The following GNAI3 variants were observed in gnomAD, a reference collection of about 807,000 sequenced individuals.
GNAI3 encodes the protein guanine nucleotide-binding protein G(i) subunit alpha-3.
A neutral mutation model predicts 41.8 loss-of-function variants in GNAI3; 12 were observed. That is an observed-to-expected ratio of 0.29 (90% CI 0.18 to 0.47). GNAI3 has a LOEUF of 0.47. GNAI3 is among the 20% of genes least tolerant of loss of function. The pLI is 1.00. For synonymous variants in GNAI3, 132 were observed against 146.5 expected (o/e 0.90, Z 0.71); for missense variants, 360 against 429.6 (o/e 0.84, Z 1.43).
At chr1:109,590,235 T>C (rs182853578) in intron 7 of GNAI3, among the ~76,000 whole-genome samples, 1 of 152,266 alleles carries the variant, frequency 6.6e-6, no homozygotes, top group African/African-American at 2.4e-5. Flanking sequence ...AGTTTTAGGA[T>C]TGGGGGAGAG....
chr1:109,555,971 T>C (rs113809582), intron 1 of GNAI3, among the ~76,000 whole-genome samples: 39,237 of 127,036 alleles, frequency 0.31, 5,895 homozygotes, highest in East Asian at 0.49. Flanking sequence ...TGCGTGTGTG[T>C]GTGTGTGTGT....
At chr1:109,589,886 G>A (rs1649126492) in intron 7 of GNAI3, among the ~76,000 whole-genome samples, 1 of 152,176 alleles carries the variant, frequency 6.6e-6, no homozygotes, top group Non-Finnish European at 1.5e-5. Flanking sequence ...TCACTAGAGA[G>A]AGGTGGTGAT....
At chr1:109,567,694 T>A (rs1648492736) in intron 1 of GNAI3, among the ~76,000 whole-genome samples, 1 of 152,238 alleles carries the variant, frequency 6.6e-6, no homozygotes, top group African/African-American at 2.4e-5. Flanking sequence ...ATCCAAGTTG[T>A]TATTACTAAA....
At chr1:109,556,235 G>A (rs957050620) in intron 1 of GNAI3, among the ~76,000 whole-genome samples, 9 of 151,690 alleles carry the variant, frequency 5.9e-5, no homozygotes, top group Non-Finnish European at 1.2e-4. Context: ...GTAGAGATGG[G>A]GTTTTGCCAT....
rs1648676429 is a variant in GNAI3, at chr1:109,574,034, G to A, written c.300G>A (p.Arg100=). 1 of 1,603,090 alleles carries A rather than the reference G, an allele frequency of 6.2e-7. No individual in the cohort carries two copies. Among genetic ancestry groups the A allele is most frequent in the East Asian group, 2.2e-5 (1 of 44,808 alleles). Residue 100 remains arginine (R), a synonymous_variant, in exon 3 of 9, where the codon AGG becomes AGA. Coordinates refer to ENST00000369851, the MANE Select transcript of GNAI3 (RefSeq NM_006496.4). ...RLKIDFGEAA[R]ADDARQLFVL... is the part of the protein sequence containing the mutation. ...AGATTGACTTTGGGGAAGCTGCCAG[G>A]GCAGTAAGTGTTTCTCATTTCCTCT... is the stretch of plus-strand genomic sequence containing the variant.
intron 5 of GNAI3, among the ~76,000 whole-genome samples, chr1:109,583,821 G>A (rs1014279794): frequency 2.0e-5 from 3 of 147,350 alleles, no homozygotes; most frequent in Non-Finnish European, 1.5e-5. Flanking sequence ...TCTATCTCCT[G>A]ACCTGGTGAT....
chr1:109,562,587 G>C (rs1029909743), intron 1 of GNAI3, among the ~76,000 whole-genome samples: 1 of 152,072 alleles, frequency 6.6e-6, no homozygotes, highest in Non-Finnish European at 1.5e-5. Context: ...TACTGTTTTG[G>C]GTTTTGGCTG....
intron 1 of GNAI3, among the ~76,000 whole-genome samples, chr1:109,570,144 A>G (rs192166186): frequency 1.3e-5 from 2 of 152,342 alleles, no homozygotes; most frequent in African/African-American, 2.4e-5. Context: ...ACAGCATCCT[A>G]AGAAAGTCAC....
Position 109,574,028 on chromosome 1 carries a change from T to C in GNAI3, c.294T>C (p.Ala98=). The C allele has an allele frequency of 6.2e-7, 1 of 1,609,422 alleles. No homozygotes were observed. The highest frequency in any genetic ancestry group is 8.5e-7 in the Non-Finnish European group (1 of 1,178,212). The change falls in exon 3 of 9, where the codon GCT becomes GCC. Residue 98 remains alanine (A), a synonymous_variant. Transcript: ENST00000369851. ...GGCTAAAGATTGACTTTGGGGAAGC[T>C]GCCAGGGCAGTAAGTGTTTCTCATT... The part of the protein sequence containing the change: ...MGRLKIDFGE[A]ARADDARQLF...
intron 4 of GNAI3, among the ~76,000 whole-genome samples, chr1:109,581,609 C>T (rs368254643): frequency 3.9e-5 from 6 of 151,956 alleles, no homozygotes; most frequent in African/African-American, 9.7e-5. Flanking sequence ...CTTTTGTGTC[C>T]GGGCGCGGTT....
intron 1 of GNAI3, among the ~76,000 whole-genome samples, chr1:109,551,479 T>C (rs1054772218): frequency 2.6e-5 from 4 of 152,188 alleles, no homozygotes; most frequent in Admixed American, 6.5e-5. Flanking sequence ...TTCTTTCTTA[T>C]GGGGGTGTAG....
At chr1:109,578,428 T>C (rs1265691627) in intron 3 of GNAI3, among the ~76,000 whole-genome samples, 3 of 130,390 alleles carry the variant, frequency 2.3e-5, no homozygotes, top group African/African-American at 8.9e-5. Flanking sequence ...CGAGATCACA[T>C]CATTGCACTC....
rs1012585985 is a variant in GNAI3 at position 109,595,586 on chromosome 1, T to G, written c.*3264T>G. ...CAGCTGGTTTTTGTAATTCATTCAT[T>G]CACCCTATATTCTTATATTCTGCTC... On this transcript the variant is annotated 3_prime_UTR_variant, in exon 9 of 9. Coordinates refer to ENST00000369851, the MANE Select transcript of GNAI3 (RefSeq NM_006496.4). 3.3e-5 allele frequency: 5 copies of G among 152,200 alleles called. No homozygotes were observed. The highest frequency in any genetic ancestry group is 7.3e-5 in the Non-Finnish European group (5 of 68,038). The allele number at this position is 152,200 out of a possible 1,614,324, so 9.4% of individuals were successfully genotyped here. A position where few individuals can be genotyped will look rare whatever the true frequency, so the allele number is the denominator to read the frequency against.
chr1:109,581,979 A>G (rs559840434), intron 4 of GNAI3, among the ~76,000 whole-genome samples: 1 of 152,178 alleles, frequency 6.6e-6, no homozygotes, highest in African/African-American at 2.4e-5. Context: ...TGTTGGATTC[A>G]TATTTTTTCT....
intron 1 of GNAI3, among the ~76,000 whole-genome samples, chr1:109,561,570 G>C (rs992825981): frequency 4.6e-5 from 7 of 152,142 alleles, no homozygotes; most frequent in African/African-American, 1.7e-4. Context: ...TTGTTGCACT[G>C]TTCAGTGGGA....
In GNAI3 at chr1:109,597,127, A is replaced by G. The variant is rs988684056; in HGVS notation, c.*4805A>G. The G allele has an allele frequency of 6.6e-6, 1 of 152,182 alleles. No individual in the cohort carries two copies. Among genetic ancestry groups the G allele is most frequent in the Non-Finnish European group, 1.5e-5 (1 of 68,030 alleles). The allele number at this position is 152,182 out of a possible 1,614,324, so 9.4% of individuals were successfully genotyped here. A position where few individuals can be genotyped will look rare whatever the true frequency, so the allele number is the denominator to read the frequency against. On this transcript the variant is annotated 3_prime_UTR_variant, in exon 9 of 9. Transcript: ENST00000369851. ...AAAGCTTTTGATTTTGGAGCATTTTAGATTTTGGATTTTCAGATTTGAAAT... is the reference window on the plus strand; with the variant it reads ...AAAGCTTTTGATTTTGGAGCATTTTGGATTTTGGATTTTCAGATTTGAAAT...
chr1:109,579,690 G>A (rs1648838046), intron 4 of GNAI3, among the ~76,000 whole-genome samples: 1 of 152,132 alleles, frequency 6.6e-6, no homozygotes, highest in Non-Finnish European at 1.5e-5. Context: ...TCTGTGTAAG[G>A]GCTTGGCACT....
rs577364410 is a variant in GNAI3, at chr1:109,555,102, C to T, written c.118+6264C>T. 7.1e-4 allele frequency among the ~76,000 whole-genome samples: 108 copies of T among 152,292 alleles called. 1 individual carries two copies. Among genetic ancestry groups the T allele is most frequent in the Non-Finnish European group, 1.5e-3 (104 of 68,024 alleles). On this transcript the variant is annotated intron_variant, in intron 1 of 8. Coordinates refer to ENST00000369851, the MANE Select transcript of GNAI3 (RefSeq NM_006496.4). ...AATCAATATTGTGAAAATGACCATA[C>T]TGCCAAAAGCATATCTACAAATTCA... is the stretch of plus-strand genomic sequence containing the variant.
chr1:109,594,757 A>G lies in GNAI3; in HGVS notation c.*2435A>G, dbSNP rs778415110. 4 of 141,956 alleles carry G rather than the reference A, an allele frequency of 2.8e-5. No homozygotes were observed. Among genetic ancestry groups the G allele is most frequent in the East Asian group, 2.0e-4 (1 of 4,886 alleles). The allele number at this position is 141,956 out of a possible 1,614,324, so 8.8% of individuals were successfully genotyped here. On this transcript the variant is annotated 3_prime_UTR_variant, in exon 9 of 9. Coordinates refer to ENST00000369851, the MANE Select transcript of GNAI3 (RefSeq NM_006496.4). ...AAGCTCTGCCTCCCGGGTTCATGCT[A>G]TTCTCCTGCTGGGACTACCAGGTTC...
Sources: gnomAD v4.1 joint callset for allele counts (sites outside exome capture counted in the v4.1 genomes callset) on GRCh38, gnomAD v4.1.1 for gene constraint, MANE v1.5 for transcripts, NCBI Gene and HGNC (gene_info 2026-07-23, HGNC 2026-07-21) for gene names.